Variants in RIF1 observed in about 807,000 individuals in gnomAD.
The protein encoded by RIF1 is replication timing regulatory factor 1, also known as telomere-associated protein RIF1.
RIF1 carries 45 observed loss-of-function variants against 247.1 expected under a neutral mutation model. The ratio of observed to expected loss-of-function variants is 0.18; its 90% CI spans 0.14 to 0.23. The LOEUF (loss-of-function observed/expected upper bound fraction) is 0.23, where lower values mean the gene tolerates loss of function less well. RIF1 is among the 10% of genes least tolerant of loss of function. The probability of loss-of-function intolerance (pLI) is 1.00; values close to 1 mark genes in which losing one functional copy is unlikely to be tolerated. For synonymous variants in RIF1, 1,087 were observed against 978.8 expected (o/e 1.11, Z -2.06); for missense variants, 2,967 against 2,862.5 (o/e 1.04, Z -0.83).
intron 20 of RIF1, among the ~76,000 whole-genome samples, chr2:151,449,330 A>G (rs768845099): frequency 2.0e-5 from 3 of 152,186 alleles, no homozygotes; most frequent in Admixed American, 6.5e-5. Context: ...CAATTTTTGT[A>G]TTATGGCAAT....
In RIF1 at chr2:151,416,908, A is replaced by C; in HGVS notation, c.503+7A>C. On this transcript the variant is annotated splice_region_variant and intron_variant, in intron 6 of 35. Coordinates refer to ENST00000444746, the MANE Select transcript of RIF1 (RefSeq NM_018151.5). ...CATTAAATGTTATCGTAAGGTATGC[A>C]TTTGGATGTTGTGCAAATTGAAGAA... The C allele has an allele frequency of 6.3e-7, 1 of 1,589,314 alleles. No homozygotes were observed. The highest frequency in any genetic ancestry group is 8.6e-7 in the Non-Finnish European group (1 of 1,161,968).
chr2:151,425,467 T>C (rs1324592607), intron 8 of RIF1, among the ~76,000 whole-genome samples: 1 of 152,054 alleles, frequency 6.6e-6, no homozygotes, highest in African/African-American at 2.4e-5. Flanking sequence ...TCCAGTGTCA[T>C]TTTTGTTTCC....
rs376581029 is a variant in RIF1, at chr2:151,440,057, T to C, written c.1577T>C (p.Val526Ala). ...GNKKEKPGSE[V>A]LTLLLKSLES... ...AAAAAAGAGAAACCAGGTTCTGAAGTTTTGACTCTCTTATTAAAGTCTTTG... is the reference window on the plus strand; with the variant it reads ...AAAAAAGAGAAACCAGGTTCTGAAGCTTTGACTCTCTTATTAAAGTCTTTG... The change falls in exon 15 of 36, where the codon GTT becomes GCT. Residue 526 changes from valine (V) to alanine (A), a missense_variant. By Grantham distance (64) the Val-to-Ala change is moderately conservative. This residue lies in a region of RIF1 where 369 missense variants were observed against 322.0 expected (regional missense o/e 1.15). Coordinates refer to ENST00000444746, the MANE Select transcript of RIF1 (RefSeq NM_018151.5). 4 of 1,596,572 alleles carry C rather than the reference T, an allele frequency of 2.5e-6. No individual in the cohort carries two copies. The highest frequency in any genetic ancestry group is 3.4e-6 in the Non-Finnish European group (4 of 1,170,018).
In RIF1 at chr2:151,476,501, A is replaced by G. The variant is rs2048936379; in HGVS notation, c.*1430A>G. 2 of 152,194 alleles carry G rather than the reference A, an allele frequency of 1.3e-5. No individual in the cohort carries two copies. The highest frequency in any genetic ancestry group is 4.8e-5 in the African/African-American group (2 of 41,468). The allele number at this position is 152,194 out of a possible 1,614,324, so 9.4% of individuals were successfully genotyped here. On this transcript the variant is annotated 3_prime_UTR_variant, in exon 36 of 36. Transcript: ENST00000444746. Reference sequence around the variant, plus strand: ...CTAATCCCTACTTAGCAAGGCACACATTCTACAGCAAGTCATAGAAAGTTT... The same window carrying G: ...CTAATCCCTACTTAGCAAGGCACACGTTCTACAGCAAGTCATAGAAAGTTT...
rs565833631 is a variant in RIF1 at position 151,472,300 on chromosome 2, A to G, written c.7096-1664A>G. On this transcript the variant is annotated intron_variant, in intron 34 of 35. Transcript: ENST00000444746. ...GACAACGGGGTTTTCTAGATATACAATCATGTCATCTGCAAACAGGAACAA... is the reference window on the plus strand; with the variant it reads ...GACAACGGGGTTTTCTAGATATACAGTCATGTCATCTGCAAACAGGAACAA... Among the ~76,000 whole-genome samples, 53 of 152,328 alleles carry G rather than the reference A, an allele frequency of 3.5e-4. 1 individual carries two copies. In the South Asian group the frequency reaches 9.5e-3, roughly 27 times the overall value.
intron 14 of RIF1, 24 bp from the exon 15 acceptor site, chr2:151,440,003 A>G (rs2432937): frequency 3.3e-6 from 3 of 904,412 alleles, no homozygotes; most frequent in Middle Eastern, 3.3e-4. Context: ...AAAGAACTAT[A>G]CCCTTCTTTT....
In RIF1 at chr2:151,441,981, A is replaced by G. The variant is rs770968842; in HGVS notation, c.1724A>G (p.Asp575Gly). Residue 575 changes from aspartate (D) to glycine (G), a missense_variant, in exon 16 of 36, where the codon GAT (aspartate) becomes GGT (glycine). Around this residue, in one of 7 missense-constraint regions of RIF1, gnomAD observed 369 missense variants for 322.0 expected, o/e 1.15. Transcript: ENST00000444746. ...GSPAYQVANM[D>G]ILNGTPALFL... ...CCAGCATATCAGGTTGCTAATATGGATATTCTTAATGCAAGTATCTTAAAT... is the reference window on the plus strand; with the variant it reads ...CCAGCATATCAGGTTGCTAATATGGGTATTCTTAATGCAAGTATCTTAAAT... The G allele has an allele frequency of 2.7e-6, 4 of 1,462,756 alleles. No individual in the cohort carries two copies. Among genetic ancestry groups the G allele is most frequent in the Non-Finnish European group, 3.7e-6 (4 of 1,068,166 alleles). 90.6% of individuals were successfully genotyped at this position (1,462,756 alleles called of 1,614,324 possible). A position where few individuals can be genotyped will look rare whatever the true frequency, so the allele number is the denominator to read the frequency against.
At chr2:151,471,029 T>C (rs1697720608) in intron 34 of RIF1, among the ~76,000 whole-genome samples, 1 of 152,124 alleles carries the variant, frequency 6.6e-6, no homozygotes, top group African/African-American at 2.4e-5. Context: ...TTGAATCTTT[T>C]TTTTTATCAC....
intron 9 of RIF1, among the ~76,000 whole-genome samples, chr2:151,430,414 C>T (rs1389751491): frequency 1.3e-5 from 2 of 151,610 alleles, no homozygotes; most frequent in South Asian, 2.1e-4. Flanking sequence ...CTCCGCCTCC[C>T]AAGTTCAAGC....
At chr2:151,431,779 C>CTGAATGAATGAATGAA (rs10681364) in intron 9 of RIF1, among the ~76,000 whole-genome samples, 3,157 of 149,640 alleles carry the variant, frequency 0.021, 53 homozygotes, top group Non-Finnish European at 0.03. Context: ...ACTTCCGTCT[C>CTGAATGAATGAATGAA]TGAATGAATG....
chr2:151,505,678 GTAAA>G, intron 12 of RIF1: 1 of 896,226 alleles, frequency 1.1e-6, no homozygotes, highest in East Asian at 2.4e-5. Flanking sequence ...AATTAACAGT[GTAAA>G]TAACGCAGGC....
intron 27 of RIF1, among the ~76,000 whole-genome samples, chr2:151,461,768 G>T (rs985121159): frequency 2.6e-5 from 4 of 152,142 alleles, no homozygotes; most frequent in Non-Finnish European, 5.9e-5. Flanking sequence ...ACCTAGTAAT[G>T]TACCAAATAT....
rs746045185 is a variant in RIF1, at chr2:151,443,628, T to C, written c.1905T>C (p.Asn635=). ...CAGTTTTAAATGTTATTAATCAAAATGCAAAGCAGTTGGAAAATAAGGAGC... is the reference window on the plus strand; with the variant it reads ...CAGTTTTAAATGTTATTAATCAAAACGCAAAGCAGTTGGAAAATAAGGAGC... ...SDSVLNVINQ[N]AKQLENKEHL... is the part of the protein sequence containing the mutation. Residue 635 remains asparagine, a synonymous_variant, in exon 18 of 36, where the codon AAT becomes AAC. Coordinates refer to ENST00000444746, the MANE Select transcript of RIF1 (RefSeq NM_018151.5). 1.7e-5 allele frequency: 28 copies of C among 1,612,222 alleles called. No individual in the cohort carries two copies. In the South Asian group the frequency reaches 2.9e-4, roughly 17 times the overall value.
chr2:151,451,581 C>T (rs1245097447), intron 20 of RIF1, 25 bp from the exon 21 acceptor site: 1 of 1,096,926 alleles, frequency 9.1e-7, no homozygotes. Flanking sequence ...TTGAATGTTT[C>T]TAACAGTGGT....
the RIF1 span, chr2:151,519,533 T>C: frequency 2.4e-3 from 1,761 of 727,484 alleles, 34 homozygotes; most frequent in South Asian, 0.027. Context: ...TGAAAACATT[T>C]TGGAAATAGT....
chr2:151,470,321 A>G (rs1697600867), intron 34 of RIF1, among the ~76,000 whole-genome samples: 1 of 152,170 alleles, frequency 6.6e-6, no homozygotes, highest in Non-Finnish European at 1.5e-5. Context: ...AAAATTTTGT[A>G]TATAATTTCA....
downstream of RIF1, chr2:151,485,811 C>T (rs1424235370): frequency 2.5e-6 from 4 of 1,614,092 alleles, no homozygotes; most frequent in South Asian, 1.1e-5. Flanking sequence ...TGCCAGTCCT[C>T]TGCACAGTGC....
chr2:151,484,353 T>C (rs1191501239), downstream of RIF1, among the ~76,000 whole-genome samples: 1 of 152,200 alleles, frequency 6.6e-6, no homozygotes, highest in Non-Finnish European at 1.5e-5. Context: ...CCCAGCACTT[T>C]GGGAGGCTGA....
intron 8 of RIF1, among the ~76,000 whole-genome samples, chr2:151,424,136 T>A (rs1206926104): frequency 2.6e-5 from 4 of 152,220 alleles, no homozygotes; most frequent in Non-Finnish European, 4.4e-5. Context: ...GGAGTTTCGC[T>A]CTTGTCACCC....
Sources: gnomAD v4.1 joint callset for allele counts (sites outside exome capture counted in the v4.1 genomes callset) on GRCh38, gnomAD v4.1.1 for gene constraint, gnomAD v4.1.1 regional missense constraint, MANE v1.5 for transcripts, NCBI Gene and HGNC (gene_info 2026-07-23, HGNC 2026-07-21) for gene names.